Variants in SH3PXD2A observed in about 807,000 individuals in gnomAD.
The protein encoded by SH3PXD2A is SH3 and PX domain-containing protein 2A.
SH3PXD2A carries 32 observed loss-of-function variants against 115.2 expected under a neutral mutation model. That is an observed-to-expected ratio of 0.28 (90% CI 0.21 to 0.37). SH3PXD2A has a LOEUF of 0.37. SH3PXD2A is among the 10% of genes least tolerant of loss of function. The probability of loss-of-function intolerance (pLI) is 1.00; values close to 1 mark genes in which losing one functional copy is unlikely to be tolerated. For missense variants in SH3PXD2A, 1,328 were observed against 1,498.7 expected, an observed-to-expected ratio of 0.89 and a Z score of 1.88; for synonymous variants, 610 against 629.1, an observed-to-expected ratio of 0.97 and a Z score of 0.45.
At chr10:103,715,423 C>T (rs1483163606) in intron 5 of SH3PXD2A, among the ~76,000 whole-genome samples, 1 of 152,228 alleles carries the variant, frequency 6.6e-6, no homozygotes, top group African/African-American at 2.4e-5. Flanking sequence ...CGGTCCCTGG[C>T]ATACAGCTGG....
chr10:103,816,239 G>A (rs577117847), intron 1 of SH3PXD2A, among the ~76,000 whole-genome samples: 1 of 152,252 alleles, frequency 6.6e-6, no homozygotes, highest in South Asian at 2.1e-4. Context: ...TATGTATTGT[G>A]TATTAAAACA....
rs1355413065 is a variant in SH3PXD2A, at chr10:103,601,109, TGGGGTGCCCCACG to T, written c.*694_*706del. ...GTAAACTCTGGTACTGTGTCCTCCATGGGGTGCCCCACGGAGAGCGGGCTCTCTTCTCAAGGCC... is the reference window on the plus strand; with the variant it reads ...GTAAACTCTGGTACTGTGTCCTCCATGAGAGCGGGCTCTCTTCTCAAGGCC... On this transcript the variant is annotated 3_prime_UTR_variant, in exon 15 of 15. Transcript: ENST00000369774. 6.6e-6 allele frequency: 1 copy of T among 152,256 alleles called. No individual in the cohort carries two copies. Among genetic ancestry groups the T allele is most frequent in the Non-Finnish European group, 1.5e-5 (1 of 68,070 alleles). The allele number at this position is 152,256 out of a possible 1,614,324, so 9.4% of individuals were successfully genotyped here.
chr10:103,766,717 G>A (rs187129839), intron 3 of SH3PXD2A, among the ~76,000 whole-genome samples: 1 of 152,250 alleles, frequency 6.6e-6, no homozygotes, highest in East Asian at 1.9e-4. Flanking sequence ...CAGGGAGTGC[G>A]CTCAATTTAA....
At chr10:103,744,491 T>A (rs191229232) in intron 3 of SH3PXD2A, among the ~76,000 whole-genome samples, 142 of 152,224 alleles carry the variant, frequency 9.3e-4, no homozygotes, top group Admixed American at 9.2e-3. Context: ...GAAACTCACA[T>A]GTCACCTCTG....
intron 1 of SH3PXD2A, among the ~76,000 whole-genome samples, chr10:103,821,399 G>C (rs1442606113): frequency 6.6e-6 from 1 of 152,128 alleles, no homozygotes; most frequent in Admixed American, 6.5e-5. Context: ...AAAGTGCTGC[G>C]ATTACAGGCG....
At chr10:103,824,542 CT>C (rs1354400236) in intron 1 of SH3PXD2A, among the ~76,000 whole-genome samples, 1 of 152,142 alleles carries the variant, frequency 6.6e-6, no homozygotes, top group Non-Finnish European at 1.5e-5. Context: ...CTAGTTCTGC[CT>C]CTGGGGCCAC....
chr10:103,663,829 C>T (rs2037346625), intron 7 of SH3PXD2A, among the ~76,000 whole-genome samples: 1 of 152,244 alleles, frequency 6.6e-6, no homozygotes, highest in Non-Finnish European at 1.5e-5. Context: ...GGTGTGGGCC[C>T]TGCAGGCCCA....
At chr10:103,770,576 A>G (rs562862929) in intron 2 of SH3PXD2A, among the ~76,000 whole-genome samples, 1 of 152,296 alleles carries the variant, frequency 6.6e-6, no homozygotes. Flanking sequence ...CACAGAATGA[A>G]CTCTTACTTG....
chr10:103,816,805 G>C (rs1325596440), intron 1 of SH3PXD2A, among the ~76,000 whole-genome samples: 3 of 152,080 alleles, frequency 2.0e-5, no homozygotes, highest in Non-Finnish European at 4.4e-5. Flanking sequence ...CATGAGGAAT[G>C]AACAAATAAA....
intron 8 of SH3PXD2A, among the ~76,000 whole-genome samples, chr10:103,641,553 T>C (rs1564851780): frequency 6.6e-6 from 1 of 152,188 alleles, no homozygotes; most frequent in Non-Finnish European, 1.5e-5. Flanking sequence ...GTTCATTGTC[T>C]TGCAGAAGGA....
intron 5 of SH3PXD2A, among the ~76,000 whole-genome samples, chr10:103,705,830 C>T (rs1213937082): frequency 6.6e-6 from 1 of 152,024 alleles, no homozygotes; most frequent in Non-Finnish European, 1.5e-5. Context: ...GAAACCCTGT[C>T]TACTAAAAAT....
At chr10:103,716,186 C>T (rs569346833) in intron 5 of SH3PXD2A, among the ~76,000 whole-genome samples, 4 of 152,310 alleles carry the variant, frequency 2.6e-5, no homozygotes, top group East Asian at 1.9e-4. Flanking sequence ...TTAACCAGCC[C>T]GGCCCAGTTC....
chr10:103,747,431 C>T (rs938198118), intron 3 of SH3PXD2A, among the ~76,000 whole-genome samples: 26 of 152,210 alleles, frequency 1.7e-4, no homozygotes, highest in Admixed American at 1.6e-3. Context: ...TCGGCTCCTC[C>T]CTCCAGGGGA....
rs762449294 is a variant in SH3PXD2A, at chr10:103,603,676, T to C, written c.1542A>G (p.Thr514=). 14 of 1,607,700 alleles carry C rather than the reference T, an allele frequency of 8.7e-6. No individual in the cohort carries two copies. Among genetic ancestry groups the C allele is most frequent in the Non-Finnish European group, 1.2e-5 (14 of 1,177,958 alleles). Residue 514 remains threonine, a synonymous_variant, in exon 15 of 15, where the codon ACA becomes ACG. Coordinates refer to ENST00000369774, the MANE Select transcript of SH3PXD2A (RefSeq NM_001394015.1). ...KRKKPNLSRR[T]STLTRPKVPP... is the part of the protein sequence containing the mutation. ...GCACCTTGGGCCGGGTCAGCGTGCT[T>C]GTGCGGCGGCTCAGGTTGGGCTTCT... is the stretch of plus-strand genomic sequence containing the variant.
intron 6 of SH3PXD2A, among the ~76,000 whole-genome samples, chr10:103,681,758 C>CCGCG (rs59908558): frequency 2.0e-5 from 3 of 147,544 alleles, no homozygotes; most frequent in Non-Finnish European, 4.5e-5. Flanking sequence ...ACACACGCGC[C>CCGCG]CGCGCGCGCG....
intron 3 of SH3PXD2A, among the ~76,000 whole-genome samples, chr10:103,761,001 T>G (rs1312592974): frequency 6.6e-6 from 1 of 152,240 alleles, no homozygotes; most frequent in Admixed American, 6.5e-5. Context: ...CACAGGTTTC[T>G]GGAATATGCC....
chr10:103,795,951 G>GAAGGAAGA (rs1554924446), intron 2 of SH3PXD2A, among the ~76,000 whole-genome samples: 4 of 148,294 alleles, frequency 2.7e-5, no homozygotes, highest in African/African-American at 9.9e-5. Context: ...AGGAAGGAAG[G>GAAGGAAGA]AAGGAAACCA....
intron 5 of SH3PXD2A, among the ~76,000 whole-genome samples, chr10:103,697,413 A>G (rs1355698304): frequency 6.6e-6 from 1 of 152,186 alleles, no homozygotes; most frequent in African/African-American, 2.4e-5. Flanking sequence ...AGCCCCTGAA[A>G]CAAAAGGAGC....
chr10:103,611,654 G>A (rs769147951), intron 12 of SH3PXD2A, 24 bp from the exon 13 acceptor site: 1 of 1,607,472 alleles, frequency 6.2e-7, no homozygotes, highest in Non-Finnish European at 8.5e-7. Context: ...CATGGCTTCA[G>A]AAATCCTAGT....
Sources: allele counts gnomAD v4.1 joint callset (sites outside exome capture counted in the v4.1 genomes callset), GRCh38; gene constraint gnomAD v4.1.1; transcripts MANE v1.5; gene names NCBI Gene and HGNC (gene_info 2026-07-23, HGNC 2026-07-21).